BBS9: variants seen among roughly 807,000 people sequenced by gnomAD.
BBS9 encodes the protein protein PTHB1.
Under a neutral mutation model 117.7 loss-of-function variants are expected in BBS9, and 89 were observed. The ratio of observed to expected loss-of-function variants is 0.76; its 90% CI spans 0.64 to 0.90. The LOEUF (loss-of-function observed/expected upper bound fraction) is 0.90, where lower values mean the gene tolerates loss of function less well. Ranked by LOEUF, BBS9 falls within the 40% of genes least tolerant of loss-of-function variation. The pLI, the probability that BBS9 is intolerant of heterozygous loss-of-function variation, is 0.00. For missense variants in BBS9, 982 were observed against 1,042.2 expected, an observed-to-expected ratio of 0.94 and a Z score of 0.80; for synonymous variants, 379 against 370.9, an observed-to-expected ratio of 1.02 and a Z score of -0.25.
At chr7:33,429,512 A>G (rs1834123118) in intron 19 of BBS9, among the ~76,000 whole-genome samples, 1 of 152,170 alleles carries the variant, frequency 6.6e-6, no homozygotes, top group South Asian at 2.1e-4. Context: ...AAGTGTGGTG[A>G]TGTTGCAGTA....
At chr7:33,450,873 T>G (rs184310071) in intron 19 of BBS9, among the ~76,000 whole-genome samples, 124 of 136,950 alleles carry the variant, frequency 9.1e-4, no homozygotes, top group African/African-American at 3.0e-3. Context: ...AGTTTTTTTT[T>G]TTTGTTTTTT....
rs541968557 is a variant in BBS9 at position 33,406,655 on chromosome 7, G to T, written c.2115+18511G>T. Among the ~76,000 whole-genome samples the T allele has an allele frequency of 4.7e-3, 711 of 152,004 alleles. 4 individuals carry two copies. The highest frequency in any genetic ancestry group is 0.016 in the African/African-American group (667 of 41,438). ...GTGGTGACAAAATCTCTCAGCATTT[G>T]TTTGTCTGTAAAGTATTTTATTTCT... On this transcript the variant is annotated intron_variant, in intron 19 of 22. Coordinates refer to ENST00000242067, the MANE Select transcript of BBS9 (RefSeq NM_198428.3).
At chr7:33,472,673 T>G (rs1198877697) in intron 19 of BBS9, among the ~76,000 whole-genome samples, 1 of 152,214 alleles carries the variant, frequency 6.6e-6, no homozygotes, top group African/African-American at 2.4e-5. Context: ...AGTTTATAGT[T>G]GAAATTAATG....
At chr7:33,229,829 C>G (rs1243700895) in intron 5 of BBS9, among the ~76,000 whole-genome samples, 1 of 152,108 alleles carries the variant, frequency 6.6e-6, no homozygotes, top group Non-Finnish European at 1.5e-5. Context: ...TTTTGGAAAC[C>G]TCCATCCTAT....
chr7:33,360,699 T>A (rs1406060365), intron 16 of BBS9, among the ~76,000 whole-genome samples: 1 of 151,466 alleles, frequency 6.6e-6, no homozygotes, highest in Non-Finnish European at 1.5e-5. Context: ...TAAAAAAAAA[T>A]TATTTTGTAG....
At chr7:33,167,712 A>G (rs1433296182) in intron 4 of BBS9, among the ~76,000 whole-genome samples, 1 of 152,092 alleles carries the variant, frequency 6.6e-6, no homozygotes, top group Non-Finnish European at 1.5e-5. Context: ...AATTCTGGGA[A>G]TTCTTACCCC....
intron 21 of BBS9, among the ~76,000 whole-genome samples, chr7:33,564,676 GC>G (rs1322694311): frequency 7.2e-5 from 11 of 152,152 alleles, no homozygotes; most frequent in Admixed American, 1.3e-4. Flanking sequence ...TCACTTTAAA[GC>G]CCTGATCCAT....
rs141866756 is a variant in BBS9 at position 33,401,976 on chromosome 7, T to C, written c.2115+13832T>C. Among the ~76,000 whole-genome samples the C allele has an allele frequency of 4.2e-3, 634 of 152,340 alleles. 5 individuals carry two copies. The highest frequency in any genetic ancestry group is 0.015 in the African/African-American group (609 of 41,580). ...TCAGGTTGGAAAGTAAGTCATGTTA[T>C]ATAGAGTTAAATAAAACCTCTCTGA... On this transcript the variant is annotated intron_variant, in intron 19 of 22. Coordinates refer to ENST00000242067, the MANE Select transcript of BBS9 (RefSeq NM_198428.3).
rs144985480 is a variant in BBS9, at chr7:33,480,641, A to G, written c.2116-24822A>G. On this transcript the variant is annotated intron_variant, in intron 19 of 22. Coordinates refer to ENST00000242067, the MANE Select transcript of BBS9 (RefSeq NM_198428.3). Reference sequence around the variant, plus strand: ...TGCTTAGGTGTCATTCTTGGCAATTAGTTGGTAAGTTGCTTAGGGGCAGGG... The same window carrying G: ...TGCTTAGGTGTCATTCTTGGCAATTGGTTGGTAAGTTGCTTAGGGGCAGGG... Among the ~76,000 whole-genome samples, 507 of 152,274 alleles carry G rather than the reference A, an allele frequency of 3.3e-3. 3 individuals carry two copies. The highest frequency in any genetic ancestry group is 0.012 in the African/African-American group (488 of 41,556).
At chr7:33,609,849 A>T (rs1864768862), downstream of BBS9, among the ~76,000 whole-genome samples, 1 of 152,070 alleles carries the variant, frequency 6.6e-6, no homozygotes, top group Non-Finnish European at 1.5e-5. Context: ...CAGAATAGCT[A>T]TCAGTAATTT....
At chr7:33,626,087 A>G (rs1200572488) in intron 21 of BBS9, among the ~76,000 whole-genome samples, 3 of 152,154 alleles carry the variant, frequency 2.0e-5, no homozygotes, top group Non-Finnish European at 4.4e-5. Context: ...TGATTGGAAC[A>G]TGGGGGTGGA....
chr7:33,257,351 C>T lies in BBS9; in HGVS notation c.558C>T (p.Tyr186=), dbSNP rs1562888583. The T allele has an allele frequency of 6.2e-7, 1 of 1,613,924 alleles. No homozygotes were observed. Among genetic ancestry groups the T allele is most frequent in the South Asian group, 1.1e-5 (1 of 91,072 alleles). The change falls in exon 6 of 23, where the codon TAC becomes TAT. Residue 186 remains tyrosine, a synonymous_variant. Coordinates refer to ENST00000242067, the MANE Select transcript of BBS9 (RefSeq NM_198428.3). Reference sequence around the variant, plus strand: ...TTCTTCTGCCTGGTCCTCTTGCCTACAGTTCCCGTACAGATTCCTTCCTTA... The same window carrying T: ...TTCTTCTGCCTGGTCCTCTTGCCTATAGTTCCCGTACAGATTCCTTCCTTA... ...PGFLLPGPLA[Y]SSRTDSFLTV...
chr7:33,360,683 G>A (rs543473214), intron 16 of BBS9, among the ~76,000 whole-genome samples: 2 of 151,800 alleles, frequency 1.3e-5, no homozygotes, highest in African/African-American at 4.8e-5. Context: ...ACCATGCCTA[G>A]CTAATTAAAA....
At chr7:33,453,826 A>G (rs1320912165) in intron 19 of BBS9, among the ~76,000 whole-genome samples, 1 of 151,986 alleles carries the variant, frequency 6.6e-6, no homozygotes, top group Admixed American at 6.6e-5. Flanking sequence ...CTTTCTTAAC[A>G]TTTTCTTTTC....
At chr7:33,434,661 T>C (rs2128884338) in intron 19 of BBS9, among the ~76,000 whole-genome samples, 1 of 152,318 alleles carries the variant, frequency 6.6e-6, no homozygotes, top group South Asian at 2.1e-4. Context: ...GTGTTTCACC[T>C]GTGTTTTTAG....
chr7:33,466,086 A>G (rs1377731798), intron 19 of BBS9, among the ~76,000 whole-genome samples: 1 of 152,158 alleles, frequency 6.6e-6, no homozygotes, highest in Non-Finnish European at 1.5e-5. Flanking sequence ...ATATACACAC[A>G]TTGTGAAATG....
At chr7:33,412,155 G>T (rs1338430969) in intron 19 of BBS9, among the ~76,000 whole-genome samples, 1 of 152,052 alleles carries the variant, frequency 6.6e-6, no homozygotes, top group Non-Finnish European at 1.5e-5. Flanking sequence ...AACCCATTTT[G>T]TTAGAAAAAA....
chr7:33,454,677 C>T (rs893016023), intron 19 of BBS9, among the ~76,000 whole-genome samples: 4 of 152,168 alleles, frequency 2.6e-5, no homozygotes, highest in African/African-American at 4.8e-5. Context: ...ATGGCTACTG[C>T]ACTGTTAGGT....
chr7:33,597,081 AC>A (rs1862964877), intron 21 of BBS9, among the ~76,000 whole-genome samples: 1 of 144,448 alleles, frequency 6.9e-6, no homozygotes, highest in Admixed American at 6.7e-5. Context: ...ACACACACAC[AC>A]ACACACACAC....
Sources: gnomAD v4.1 joint callset for allele counts (sites outside exome capture counted in the v4.1 genomes callset) on GRCh38, gnomAD v4.1.1 for gene constraint, MANE v1.5 for transcripts, NCBI Gene and HGNC (gene_info 2026-07-23, HGNC 2026-07-21) for gene names.